The following SLC25A48 variants were observed in gnomAD, a reference collection of about 807,000 sequenced individuals.
SLC25A48 encodes the protein CTC-321K16.1.
Under a neutral mutation model 32.2 loss-of-function variants are expected in SLC25A48, and 29 were observed. The observed-to-expected ratio is 0.90, with a 90% CI of 0.67 to 1.23. The LOEUF (loss-of-function observed/expected upper bound fraction) is 1.23. Ranked by LOEUF, SLC25A48 falls within the 50% of genes most tolerant of loss-of-function variation. The probability of loss-of-function intolerance (pLI) is 0.00; values close to 1 mark genes in which losing one functional copy is unlikely to be tolerated. For missense variants in SLC25A48, 399 were observed against 422.7 expected (o/e 0.94, Z 0.49); for synonymous variants, 164 against 172.3 (o/e 0.95, Z 0.38).
intron 3 of SLC25A48, among the ~76,000 whole-genome samples, chr5:135,739,073 C>G (rs1755443839): frequency 6.6e-6 from 1 of 152,046 alleles, no homozygotes; most frequent in African/African-American, 2.4e-5. Context: ...CACAGCGATA[C>G]TCCATCTCAA....
At chr5:135,699,393 C>T (rs1166841118) in intron 3 of SLC25A48, among the ~76,000 whole-genome samples, 6 of 114,368 alleles carry the variant, frequency 5.2e-5, no homozygotes, top group Non-Finnish European at 9.3e-5. Context: ...CCCCCAAAAA[C>T]ATTACGCTGG....
At chr5:135,744,309 T>C (rs1561472517) in intron 3 of SLC25A48, among the ~76,000 whole-genome samples, 1 of 152,098 alleles carries the variant, frequency 6.6e-6, no homozygotes, top group East Asian at 1.9e-4. Flanking sequence ...GTAGAGATGG[T>C]TCAGTCTCTC....
chr5:135,582,234 G>A (rs948756496), intron 1 of SLC25A48, among the ~76,000 whole-genome samples: 3 of 152,172 alleles, frequency 2.0e-5, no homozygotes, highest in African/African-American at 7.2e-5. Context: ...CATTTATTGA[G>A]CACCCACTGT....
At chr5:135,667,488 C>T (rs1002983812) in intron 3 of SLC25A48, among the ~76,000 whole-genome samples, 2 of 152,194 alleles carry the variant, frequency 1.3e-5, no homozygotes, top group African/African-American at 4.8e-5. Flanking sequence ...AAGCCAGCTG[C>T]GTCCACCAAT....
intron 3 of SLC25A48, among the ~76,000 whole-genome samples, chr5:135,720,539 C>T (rs1321444594): frequency 6.6e-6 from 1 of 152,212 alleles, no homozygotes; most frequent in African/African-American, 2.4e-5. Flanking sequence ...GAATCAATGA[C>T]CCTGTGAATC....
intron 3 of SLC25A48, among the ~76,000 whole-genome samples, chr5:135,695,991 C>T (rs1312858575): frequency 6.6e-6 from 1 of 152,208 alleles, no homozygotes; most frequent in Non-Finnish European, 1.5e-5. Context: ...TTACCATCTG[C>T]CATGACATAG....
At chr5:135,699,599 A>G (rs1361542091) in intron 3 of SLC25A48, among the ~76,000 whole-genome samples, 1 of 152,254 alleles carries the variant, frequency 6.6e-6, no homozygotes, top group African/African-American at 2.4e-5. Flanking sequence ...CTGTACAATT[A>G]TCAGCACTCA....
chr5:135,812,270 A>G (rs10065958), intron 3 of SLC25A48, among the ~76,000 whole-genome samples: 53,652 of 151,980 alleles, frequency 0.35, 9,618 homozygotes, highest in East Asian at 0.44. Flanking sequence ...GGGTAACTGG[A>G]GTATCCATCC....
intron 3 of SLC25A48, among the ~76,000 whole-genome samples, chr5:135,804,265 T>C (rs1161066299): frequency 6.6e-6 from 1 of 151,730 alleles, no homozygotes; most frequent in African/African-American, 2.4e-5. Flanking sequence ...ACATTAAGTG[T>C]AATATCTCCC....
intron 3 of SLC25A48, among the ~76,000 whole-genome samples, chr5:135,776,875 C>G (rs1252936293): frequency 6.6e-6 from 1 of 151,868 alleles, no homozygotes; most frequent in Non-Finnish European, 1.5e-5. Context: ...AATGTTGTTT[C>G]TAATATCCAG....
chr5:135,678,791 C>T (rs1398918902), intron 3 of SLC25A48, among the ~76,000 whole-genome samples: 1 of 152,086 alleles, frequency 6.6e-6, no homozygotes, highest in Non-Finnish European at 1.5e-5. Context: ...TTTTTTTCAG[C>T]TGTAAACAGC....
chr5:135,786,292 T>C (rs1271195718), intron 3 of SLC25A48, among the ~76,000 whole-genome samples: 2 of 152,108 alleles, frequency 1.3e-5, no homozygotes, highest in Non-Finnish European at 2.9e-5. Flanking sequence ...TCGTAATATT[T>C]TAGGGTGATG....
In SLC25A48 at chr5:135,783,993, G is replaced by A. The variant is rs184818279; in HGVS notation, c.-520-28530G>A. Among the ~76,000 whole-genome samples, 112 of 117,486 alleles carry A rather than the reference G, an allele frequency of 9.5e-4. 9 individuals are homozygous for A. The highest frequency in any genetic ancestry group is 2.7e-3 in the African/African-American group (105 of 38,644). The allele number at this position is 117,486 out of a possible 152,430, so 77.1% of individuals were successfully genotyped here. On this transcript the variant is annotated intron_variant, in intron 3 of 10. Coordinates refer to the SLC25A48 transcript ENST00000646290. ...AAAGGATGATATTGCTCCCAATATC[G>A]CAGGACGTGTACACTTATCCTGTGA...
At chr5:135,822,652 G>C (rs904058599) in intron 4 of SLC25A48, among the ~76,000 whole-genome samples, 3 of 152,178 alleles carry the variant, frequency 2.0e-5, no homozygotes, top group Admixed American at 2.0e-4. Flanking sequence ...TAACTTGATT[G>C]CATCTGCAAA....
chr5:135,814,591 T>C (rs1757670849), intron 4 of SLC25A48, among the ~76,000 whole-genome samples: 1 of 152,174 alleles, frequency 6.6e-6, no homozygotes, highest in African/African-American at 2.4e-5. Flanking sequence ...AAGCATGCTT[T>C]TCCTGCAGAG....
chr5:135,879,609 AGAGTGTGT>A (rs1257061499), intron 6 of SLC25A48, among the ~76,000 whole-genome samples: 56 of 127,128 alleles, frequency 4.4e-4, no homozygotes, highest in African/African-American at 2.1e-3. Flanking sequence ...AGAGAGAGAG[AGAGTGTGT>A]GTGTGTGTGT....
intron 4 of SLC25A48, among the ~76,000 whole-genome samples, chr5:135,819,253 T>A (rs1411661316): frequency 6.6e-6 from 1 of 152,096 alleles, no homozygotes; most frequent in Non-Finnish European, 1.5e-5. Flanking sequence ...CCAGAAAGGA[T>A]AAGGTCAATG....
chr5:135,659,070 A>G (rs1318956587), intron 3 of SLC25A48, among the ~76,000 whole-genome samples: 1 of 152,256 alleles, frequency 6.6e-6, no homozygotes, highest in Non-Finnish European at 1.5e-5. Context: ...TTTCTCCCAT[A>G]AAATGGGTTT....
intron 3 of SLC25A48, among the ~76,000 whole-genome samples, chr5:135,646,678 T>TATATATATATATATATATATACACACAC (rs966073970): frequency 2.0e-4 from 27 of 136,770 alleles, no homozygotes; most frequent in African/African-American, 7.1e-4. Context: ...TATATATATA[T>TATATATATATATATATATATACACACAC]ACAATGGGAA....
Sources: allele counts gnomAD v4.1 joint callset (sites outside exome capture counted in the v4.1 genomes callset), GRCh38; gene constraint gnomAD v4.1.1; transcripts MANE v1.5; gene names NCBI Gene and HGNC (gene_info 2026-07-23, HGNC 2026-07-21).